Variants in ANKS1B observed in about 807,000 individuals in gnomAD.
ANKS1B encodes ankyrin repeat and sterile alpha motif domain-containing protein 1B.
Under a neutral mutation model 148.3 loss-of-function variants are expected in ANKS1B, and 36 were observed. The ratio of observed to expected loss-of-function variants is 0.24; its 90% CI spans 0.19 to 0.32. ANKS1B has a LOEUF of 0.32. Ranked by LOEUF, ANKS1B falls within the 10% of genes least tolerant of loss-of-function variation. ANKS1B has a pLI of 1.00. For synonymous variants in ANKS1B, 542 were observed against 560.8 expected (o/e 0.97, Z 0.47); for missense variants, 1,157 against 1,542.6 (o/e 0.75, Z 4.19).
At position 99,210,022 on chromosome 12, in the gene ANKS1B, C is replaced by G. The variant is rs558796554; in HGVS notation, c.2419+34320G>C. ...TCTCACCCTAAAACTAATAAATACT[C>G]TTAGTCCCTAAGAGAGAATGCTCCT... On this transcript the variant is annotated intron_variant, in intron 14 of 26. Coordinates refer to ENST00000683438, the MANE Select transcript of ANKS1B (RefSeq NM_001352186.2). 7.2e-5 allele frequency among the ~76,000 whole-genome samples: 11 copies of G among 152,290 alleles called. No homozygotes were observed. The East Asian group carries it at 2.1e-3, about 29-fold the overall frequency.
intron 9 of ANKS1B, among the ~76,000 whole-genome samples, chr12:99,514,780 C>T (rs1385160903): frequency 6.6e-6 from 1 of 151,974 alleles, no homozygotes; most frequent in Non-Finnish European, 1.5e-5. Flanking sequence ...AATTTTCAAG[C>T]CTTTGTATGT....
intron 16 of ANKS1B, among the ~76,000 whole-genome samples, chr12:99,077,857 T>A (rs986060566): frequency 3.3e-5 from 5 of 152,214 alleles, no homozygotes; most frequent in African/African-American, 1.2e-4. Context: ...AATACTCCTT[T>A]CAAAGGCTGA....
chr12:99,372,300 CT>C (rs1427418071), intron 12 of ANKS1B, among the ~76,000 whole-genome samples: 11 of 151,296 alleles, frequency 7.3e-5, no homozygotes. Flanking sequence ...AAAAATATGT[CT>C]TAAAAAAAAA....
intron 17 of ANKS1B, among the ~76,000 whole-genome samples, chr12:98,883,543 T>A (rs1276488048): frequency 1.3e-5 from 2 of 152,230 alleles, no homozygotes; most frequent in Non-Finnish European, 2.9e-5. Flanking sequence ...CATTCCTCTG[T>A]TGATTTAATG....
intron 17 of ANKS1B, among the ~76,000 whole-genome samples, chr12:99,002,594 T>G (rs1375420470): frequency 1.3e-5 from 2 of 152,102 alleles, no homozygotes; most frequent in Admixed American, 6.6e-5. Flanking sequence ...GATTAGGTGA[T>G]GTTGAGCATC....
At position 99,955,362 on chromosome 12, in the gene ANKS1B, G is replaced by A. The variant is rs1056130023; in HGVS notation, c.134+28742C>T. On this transcript the variant is annotated intron_variant, in intron 1 of 26. Transcript: ENST00000683438. ...ACAAAAATTAGCCGGGCATGGTGGC[G>A]CGCGCCTGTAGTCCCAGCTACTCGG... Among the ~76,000 whole-genome samples the A allele has an allele frequency of 1.1e-4, 16 of 151,582 alleles. 1 individual carries two copies. In the East Asian group the frequency reaches 1.2e-3, roughly 11 times the overall value.
At chr12:99,812,511 CCACACACACACA>C (rs10539640) in intron 2 of ANKS1B, among the ~76,000 whole-genome samples, 200 bp from the exon 3 acceptor site, 30 of 126,094 alleles carry the variant, frequency 2.4e-4, no homozygotes, top group Non-Finnish European at 4.6e-4. Flanking sequence ...TCACCCCATG[CCACACACACACA>C]CACACACACA....
At chr12:99,747,152 C>G (rs765838657) in intron 8 of ANKS1B, among the ~76,000 whole-genome samples, 1 of 152,086 alleles carries the variant, frequency 6.6e-6, no homozygotes, top group Non-Finnish European at 1.5e-5. Flanking sequence ...ACAATCAAAT[C>G]TCTTGCCCTA....
At chr12:99,130,886 C>A (rs912950067) in intron 15 of ANKS1B, among the ~76,000 whole-genome samples, 2 of 152,126 alleles carry the variant, frequency 1.3e-5, no homozygotes, top group African/African-American at 4.8e-5. Context: ...AGATATTCTT[C>A]CTGGGCTTCT....
chr12:98,944,304 A>C lies in ANKS1B; in HGVS notation c.2778+108853T>G, dbSNP rs555155825. On this transcript the variant is annotated intron_variant, in intron 17 of 26. Coordinates refer to ENST00000683438, the MANE Select transcript of ANKS1B (RefSeq NM_001352186.2). Reference sequence around the variant, plus strand: ...GACAAGAGCGAAACTCCACCTCACAAAAAAAAAAAAAAAAAAAGCCTAGCA... The same window carrying C: ...GACAAGAGCGAAACTCCACCTCACACAAAAAAAAAAAAAAAAAGCCTAGCA... Among the ~76,000 whole-genome samples the C allele has an allele frequency of 5.3e-3, 495 of 93,768 alleles. 3 individuals are homozygous for C. Among genetic ancestry groups the C allele is most frequent in the African/African-American group, 0.034 (472 of 14,088 alleles). The allele number at this position is 93,768 out of a possible 152,430, so 61.5% of individuals were successfully genotyped here. A position where few individuals can be genotyped will look rare whatever the true frequency, so the allele number is the denominator to read the frequency against.
intron 1 of ANKS1B, among the ~76,000 whole-genome samples, chr12:99,928,280 T>A (rs896708938): frequency 2.1e-3 from 312 of 148,136 alleles, no homozygotes; most frequent in African/African-American, 7.4e-3. Flanking sequence ...TATTTTTTTT[T>A]TTTTTTTTTG....
At chr12:98,763,432 G>C (rs1369783370) in intron 25 of ANKS1B, among the ~76,000 whole-genome samples, 3 of 152,196 alleles carry the variant, frequency 2.0e-5, no homozygotes, top group African/African-American at 7.2e-5. Context: ...TCTGGGGCAA[G>C]ATGACAAATC....
intron 17 of ANKS1B, among the ~76,000 whole-genome samples, chr12:98,924,323 T>C (rs1159257445): frequency 2.0e-5 from 3 of 152,240 alleles, no homozygotes; most frequent in Non-Finnish European, 1.5e-5. Context: ...AATGTTTTCA[T>C]TGTCATTTAT....
chr12:99,871,489 G>C (rs1454504590), intron 1 of ANKS1B, among the ~76,000 whole-genome samples: 1 of 152,066 alleles, frequency 6.6e-6, no homozygotes, highest in Non-Finnish European at 1.5e-5. Context: ...TGAATCTGTA[G>C]ACTGCTTTGG....
intron 1 of ANKS1B, among the ~76,000 whole-genome samples, chr12:99,937,763 A>G (rs1369575611): frequency 1.3e-5 from 2 of 152,162 alleles, no homozygotes; most frequent in African/African-American, 2.4e-5. Flanking sequence ...TTTCTTTGAT[A>G]CTAGATTTAT....
chr12:99,848,708 A>G (rs1470640685), intron 1 of ANKS1B, among the ~76,000 whole-genome samples: 1 of 152,198 alleles, frequency 6.6e-6, no homozygotes, highest in Non-Finnish European at 1.5e-5. Context: ...AATTCTAGAC[A>G]GATTACAAGC....
chr12:98,864,953 T>C (rs1420371945), intron 17 of ANKS1B, among the ~76,000 whole-genome samples: 1 of 152,170 alleles, frequency 6.6e-6, no homozygotes, highest in East Asian at 1.9e-4. Context: ...ACTGTTTTCA[T>C]CTTCAGCATA....
intron 1 of ANKS1B, among the ~76,000 whole-genome samples, chr12:99,906,156 C>T (rs540725170): frequency 8.9e-4 from 136 of 152,288 alleles, no homozygotes; most frequent in Non-Finnish European, 1.6e-3. Flanking sequence ...GACCAGGCAT[C>T]TGTATGTTTG....
intron 9 of ANKS1B, among the ~76,000 whole-genome samples, chr12:99,562,219 G>C (rs1170738898): frequency 6.6e-6 from 1 of 152,104 alleles, no homozygotes; most frequent in Non-Finnish European, 1.5e-5. Context: ...ATCCACCCAG[G>C]CTTGATTGTT....
Sources: allele counts gnomAD v4.1 joint callset (sites outside exome capture counted in the v4.1 genomes callset), GRCh38; gene constraint gnomAD v4.1.1; transcripts MANE v1.5; gene names NCBI Gene and HGNC (gene_info 2026-07-23, HGNC 2026-07-21).